Variants in ANKRD24 observed in about 807,000 individuals in gnomAD.
ANKRD24 encodes ankyrin repeat domain 24.
ANKRD24 carries 109 observed loss-of-function variants against 127.8 expected under a neutral mutation model. The ratio of observed to expected loss-of-function variants is 0.85; its 90% CI spans 0.73 to 1.00. The LOEUF is 1.00. Ranked by LOEUF, ANKRD24 falls within the 50% of genes least tolerant of loss-of-function variation. The pLI is 0.00. For synonymous variants in ANKRD24, 743 were observed against 671.1 expected (o/e 1.11, Z -1.66); for missense variants, 1,648 against 1,570.2 (o/e 1.05, Z -0.84).
Position 4,220,225 on chromosome 19 carries a change from AG to A in ANKRD24, c.3171+468del, listed in dbSNP as rs547182164. 1.3e-4 allele frequency among the ~76,000 whole-genome samples: 20 copies of A among 152,278 alleles called. No homozygotes were observed. The East Asian group carries it at 3.7e-3, about 28-fold the overall frequency. On this transcript the variant is annotated intron_variant, in intron 19 of 21. Transcript: ENST00000318934. ...TGAGCTCAAGTGATCCGCCTGCCTC[AG>A]CCCCCAAAAGGGCTGGGGTTACAGG...
chr19:4,221,981 A>G (rs1970466113), intron 19 of ANKRD24, among the ~76,000 whole-genome samples: 1 of 152,232 alleles, frequency 6.6e-6, no homozygotes, highest in African/African-American at 2.4e-5. Context: ...AATTGCCTCA[A>G]GTTGAGAACC....
intron 18 of ANKRD24, among the ~76,000 whole-genome samples, chr19:4,218,382 C>T (rs575794132): frequency 3.2e-4 from 49 of 152,110 alleles, no homozygotes; most frequent in African/African-American, 1.1e-3. Context: ...TCACTGCAAC[C>T]TCCTCTTTCC....
chr19:4,195,210 C>G lies in ANKRD24; in HGVS notation c.37-4473C>G, dbSNP rs533097753. On this transcript the variant is annotated intron_variant, in intron 2 of 21. Transcript: ENST00000318934. This position sits in a 1 kb window ranked among gnomAD's most constrained non-coding sequence, Gnocchi z 4.2. ...GCCTCAGTCTCCCGAGTAGCTGGGA[C>G]TACAGGCGCCCACCACCACGCCCGG... Among the ~76,000 whole-genome samples the G allele has an allele frequency of 1.3e-5, 2 of 151,936 alleles. No homozygotes were observed. Among genetic ancestry groups the G allele is most frequent in the Non-Finnish European group, 2.9e-5 (2 of 67,976 alleles).
intron 2 of ANKRD24, among the ~76,000 whole-genome samples, chr19:4,189,237 T>TTTC (rs1158260955): frequency 1.7e-4 from 25 of 145,154 alleles, no homozygotes; most frequent in Admixed American, 9.6e-4. Context: ...TTAATTTTTC[T>TTTC]TTCTTCTTTT....
In ANKRD24 at chr19:4,216,688, C is replaced by A; in HGVS notation, c.1528C>A (p.Leu510Met). ...RRQHAEALQA[L>M]RQQETREVPR... ...GCAGCACGCTGAGGCCCTGCAGGCC[C>A]TGAGGCAGCAGGAGACACGAGAGGT... The change falls in exon 18 of 22, where the codon CTG (leucine) becomes ATG (methionine). Residue 510 changes from leucine to methionine, a missense_variant. Coordinates refer to ENST00000318934, the MANE Select transcript of ANKRD24 (RefSeq NM_001393985.1). 1 of 1,588,088 alleles carries A rather than the reference C, an allele frequency of 6.3e-7. No homozygotes were observed. The highest frequency in any genetic ancestry group is 8.6e-7 in the Non-Finnish European group (1 of 1,167,664).
rs1970088513 is a variant in ANKRD24 at position 4,216,619 on chromosome 19, G to C, written c.1459G>C (p.Ala487Pro). Reference sequence around the variant, plus strand: ...AGCTTTGGCAGAGGTCATCCCTCTTGCCCTCTATGACTCTCTCCGGGCCGA... The same window carrying C: ...AGCTTTGGCAGAGGTCATCCCTCTTCCCCTCTATGACTCTCTCCGGGCCGA... ...VEALAEVIPL[A>P]LYDSLRAEFD... is the part of the protein sequence containing the mutation. The change falls in exon 18 of 22, where the codon GCC becomes CCC. Residue 487 changes from alanine to proline, a missense_variant. Physicochemically the swap from Ala to Pro is conservative, Grantham distance 27. Coordinates refer to ENST00000318934, the MANE Select transcript of ANKRD24 (RefSeq NM_001393985.1). 2.5e-6 allele frequency: 4 copies of C among 1,610,816 alleles called. No homozygotes were observed. Among genetic ancestry groups the C allele is most frequent in the Non-Finnish European group, 3.4e-6 (4 of 1,178,608 alleles).
intron 11 of ANKRD24, among the ~76,000 whole-genome samples, chr19:4,209,627 T>C (rs1312031299): frequency 6.6e-6 from 1 of 151,782 alleles, no homozygotes; most frequent in Non-Finnish European, 1.5e-5. Context: ...TTTTTTGTAT[T>C]TTTAGTAGGG....
rs181769783 is a variant in ANKRD24, at chr19:4,195,674, G to A, written c.37-4009G>A. Among the ~76,000 whole-genome samples, 1 of 152,200 alleles carries A rather than the reference G, an allele frequency of 6.6e-6. No individual in the cohort carries two copies. The highest frequency in any genetic ancestry group is 2.4e-5 in the African/African-American group (1 of 41,540). On this transcript the variant is annotated intron_variant, in intron 2 of 21. Coordinates refer to ENST00000318934, the MANE Select transcript of ANKRD24 (RefSeq NM_001393985.1). The surrounding 1 kb of genome is among the most constrained non-coding windows in gnomAD (Gnocchi z 4.2). ...ACACTTTGAGAGGCCAAGGCAGGTGGATCACGAGGTCAGAGTTCAAGACCA... is the reference window on the plus strand; with the variant it reads ...ACACTTTGAGAGGCCAAGGCAGGTGAATCACGAGGTCAGAGTTCAAGACCA...
chr19:4,201,145 T>TTGTA (rs1969074893), intron 5 of ANKRD24, among the ~76,000 whole-genome samples: 1 of 152,000 alleles, frequency 6.6e-6, no homozygotes, highest in Non-Finnish European at 1.5e-5. Flanking sequence ...CGAGGAGAAC[T>TTGTA]TGTATGTATG....
rs1054836045 is a variant in ANKRD24 at position 4,216,271 on chromosome 19, C to T, written c.1271-13C>T. 17 of 1,550,938 alleles carry T rather than the reference C, an allele frequency of 1.1e-5. No homozygotes were observed. The Admixed American group carries it at 1.8e-4, about 16-fold the overall frequency. Reference sequence around the variant, plus strand: ...CCCAGGTCCCCAGGGCCTGACTCTGCGTCCCCCTCCAGGGGCCGAGGTGCT... The same window carrying T: ...CCCAGGTCCCCAGGGCCTGACTCTGTGTCCCCCTCCAGGGGCCGAGGTGCT... On this transcript the variant is annotated splice_polypyrimidine_tract_variant and intron_variant, in intron 16 of 21. Coordinates refer to ENST00000318934, the MANE Select transcript of ANKRD24 (RefSeq NM_001393985.1).
Position 4,224,742 on chromosome 19 carries a change from C to G in ANKRD24, c.*237C>G. On this transcript the variant is annotated 3_prime_UTR_variant, in exon 22 of 22. Transcript: ENST00000318934. ...GGCCGTGACTGCCCCTCCCCCACCA[C>G]CGGAGACTGTGATTCCCTGTGTCCT... The G allele has an allele frequency of 1.8e-6, 1 of 563,522 alleles. No individual in the cohort carries two copies. Among genetic ancestry groups the G allele is most frequent in the East Asian group, 2.9e-5 (1 of 33,998 alleles). 34.9% of individuals were successfully genotyped at this position (563,522 alleles called of 1,614,324 possible). A position where few individuals can be genotyped will look rare whatever the true frequency, so the allele number is the denominator to read the frequency against.
intron 6 of ANKRD24, 55 bp from the exon 7 acceptor site, chr19:4,202,814 G>T (rs372973074): frequency 1.3e-6 from 2 of 1,543,890 alleles, no homozygotes; most frequent in Non-Finnish European, 1.8e-6. Flanking sequence ...CAGTCCTAGA[G>T]AAATCAGGCA....
chr19:4,222,243 G>T (rs1970481143), intron 19 of ANKRD24, among the ~76,000 whole-genome samples: 1 of 152,146 alleles, frequency 6.6e-6, no homozygotes, highest in African/African-American at 2.4e-5. Context: ...AGAAACATTA[G>T]CCAGATGTGG....
At chr19:4,190,463 G>A (rs1473835563) in intron 2 of ANKRD24, among the ~76,000 whole-genome samples, 4 of 150,250 alleles carry the variant, frequency 2.7e-5, no homozygotes, top group African/African-American at 4.9e-5. Context: ...GGTGGCTCAC[G>A]TCTGTAATCC....
Position 4,186,433 on chromosome 19 carries a change from C to T in ANKRD24, c.8C>T (p.Thr3Ile). MKTLRARFKKTEL... is the reference protein window; with the variant it reads MKILRARFKKTEL... ...AAACACAGGGCACCAACTATGAAGACTCTCAGGGCGCGATTTAAGAAGACA... is the reference window on the plus strand; with the variant it reads ...AAACACAGGGCACCAACTATGAAGATTCTCAGGGCGCGATTTAAGAAGACA... Residue 3 changes from threonine (T) to isoleucine (I), a missense_variant, in exon 2 of 22, where the codon ACT (threonine) becomes ATT (isoleucine). Physicochemically the swap from Thr to Ile is moderately conservative, Grantham distance 89. Coordinates refer to ENST00000318934, the MANE Select transcript of ANKRD24 (RefSeq NM_001393985.1). 6.3e-7 allele frequency: 1 copy of T among 1,592,122 alleles called. No homozygotes were observed. The highest frequency in any genetic ancestry group is 8.6e-7 in the Non-Finnish European group (1 of 1,169,372).
In ANKRD24 at chr19:4,217,382, G is replaced by GGGAGGCAGCTGCGGAGCT. The variant is rs757002496; in HGVS notation, c.2229_2246dup (p.Ala745_Ala750dup). On this transcript the variant is annotated inframe_insertion, in exon 18 of 22. Transcript: ENST00000318934. ...GAGGAGGCTCTCCGGCAGCGGGAGC[G>GGGAGGCAGCTGCGGAGCT]GGAGGCAGCTGCGGAGCTGGAGGCG... 1.0e-5 allele frequency: 16 copies of GGGAGGCAGCTGCGGAGCT among 1,550,650 alleles called. No homozygotes were observed. The highest frequency in any genetic ancestry group is 3.9e-5 in the Admixed American group (2 of 50,968).
intron 2 of ANKRD24, among the ~76,000 whole-genome samples, chr19:4,190,119 GCCC>G (rs1968299021): frequency 6.6e-6 from 1 of 152,130 alleles, no homozygotes; most frequent in Non-Finnish European, 1.5e-5. Flanking sequence ...AACAATTACA[GCCC>G]ACCCTCCTGC....
rs1568337989 is a variant in ANKRD24, at chr19:4,215,969, T to C, written c.1198-9T>C. On this transcript the variant is annotated splice_polypyrimidine_tract_variant and intron_variant, in intron 15 of 21. Transcript: ENST00000318934. ...GAACCCCGAGCTGGACTCTGCTCCC[T>C]CCCCCCAGAACGAGCGGGAGAATAC... 5.7e-6 allele frequency: 9 copies of C among 1,576,364 alleles called. No homozygotes were observed. Among genetic ancestry groups the C allele is most frequent in the Non-Finnish European group, 7.7e-6 (9 of 1,162,218 alleles).
rs1298527522 is a variant in ANKRD24 at position 4,198,423 on chromosome 19, C to T, written c.37-1260C>T. On this transcript the variant is annotated intron_variant, in intron 2 of 21. Coordinates refer to ENST00000318934, the MANE Select transcript of ANKRD24 (RefSeq NM_001393985.1). This position sits in a 1 kb window ranked among gnomAD's most constrained non-coding sequence, Gnocchi z 6.1. ...CGCCCTCCGGCCGCTCCCCGCGGTC[C>T]CTCCAGACCCTCTGGCCGCCGCCTC... 13 of 502,744 alleles carry T rather than the reference C, an allele frequency of 2.6e-5. No homozygotes were observed. Among genetic ancestry groups the T allele is most frequent in the Non-Finnish European group, 3.9e-5 (11 of 282,432 alleles). The allele number at this position is 502,744 out of a possible 1,614,324, so 31.1% of individuals were successfully genotyped here. A position where few individuals can be genotyped will look rare whatever the true frequency, so the allele number is the denominator to read the frequency against.
Sources: gnomAD v4.1 joint callset for allele counts (sites outside exome capture counted in the v4.1 genomes callset) on GRCh38, gnomAD v4.1.1 for gene constraint, Gnocchi (gnomAD v3.1) non-coding constraint, MANE v1.5 for transcripts, NCBI Gene and HGNC (gene_info 2026-07-23, HGNC 2026-07-21) for gene names.